GRAMD2B: variants seen among roughly 807,000 people sequenced by gnomAD.
The protein encoded by GRAMD2B is GRAM domain-containing protein 2B.
Under a neutral mutation model 59.2 loss-of-function variants are expected in GRAMD2B, and 41 were observed. That is an observed-to-expected ratio of 0.69 (90% CI 0.54 to 0.90). The LOEUF is 0.90. Among genes scored for constraint, GRAMD2B ranks in the 40% least tolerant of loss-of-function variants. The pLI, the probability that GRAMD2B is intolerant of heterozygous loss-of-function variation, is 0.00. For missense variants in GRAMD2B, 424 were observed against 500.5 expected, an observed-to-expected ratio of 0.85 and a Z score of 1.46; for synonymous variants, 161 against 182.7, an observed-to-expected ratio of 0.88 and a Z score of 0.96.
intron 1 of GRAMD2B, among the ~76,000 whole-genome samples, chr5:126,362,625 C>A (rs1184175732): frequency 6.6e-6 from 1 of 152,120 alleles, no homozygotes; most frequent in Non-Finnish European, 1.5e-5. Context: ...TACTCAAAGT[C>A]ATTAATTCTG....
At chr5:126,484,117 C>T (rs1407552890) in intron 9 of GRAMD2B, among the ~76,000 whole-genome samples, 3 of 152,150 alleles carry the variant, frequency 2.0e-5, no homozygotes, top group Non-Finnish European at 2.9e-5. Context: ...CGTGAGCCAC[C>T]GCACCGGCCT....
intron 13 of GRAMD2B, among the ~76,000 whole-genome samples, chr5:126,490,882 G>T (rs1773805474): frequency 6.6e-6 from 1 of 152,156 alleles, no homozygotes; most frequent in African/African-American, 2.4e-5. Context: ...GGAAATCTAA[G>T]AATAATTTTT....
chr5:126,393,293 C>T lies in GRAMD2B; in HGVS notation c.125+21726C>T, dbSNP rs550472280. Among the ~76,000 whole-genome samples, 104 of 152,206 alleles carry T rather than the reference C, an allele frequency of 6.8e-4. 3 individuals carry two copies. The South Asian group carries it at 0.021, about 30-fold the overall frequency. On this transcript the variant is annotated intron_variant, in intron 1 of 8. Coordinates refer to the GRAMD2B transcript ENST00000506445. ...TTACAATTTTATTTCACAGGTCTTC[C>T]AAGTGTAAAATATTATCTCACTAAT...
intron 1 of GRAMD2B, among the ~76,000 whole-genome samples, chr5:126,435,676 G>A (rs1762297019): frequency 6.6e-6 from 1 of 152,236 alleles, no homozygotes; most frequent in East Asian, 1.9e-4. Context: ...CCAACCTGAA[G>A]AGTCTTTGAA....
At chr5:126,416,068 C>A (rs900558356) in intron 1 of GRAMD2B, among the ~76,000 whole-genome samples, 9 of 152,084 alleles carry the variant, frequency 5.9e-5, no homozygotes, top group Non-Finnish European at 5.9e-5. Flanking sequence ...TCATTAGTTC[C>A]CAAAACAAGG....
chr5:126,425,984 A>G (rs1466102402), intron 1 of GRAMD2B, among the ~76,000 whole-genome samples: 5 of 152,018 alleles, frequency 3.3e-5, no homozygotes, highest in Non-Finnish European at 5.9e-5. Flanking sequence ...GTATATTTCA[A>G]TATAACTAAG....
At chr5:126,396,281 T>G (rs1029003879) in intron 1 of GRAMD2B, among the ~76,000 whole-genome samples, 5 of 152,308 alleles carry the variant, frequency 3.3e-5, no homozygotes, top group African/African-American at 1.2e-4. Flanking sequence ...ACCCAGGTAT[T>G]AAGCCTAGTA....
At chr5:126,371,537 C>A (rs1296012049) in exon 1 of GRAMD2B, 1 of 1,289,156 alleles carries the variant, frequency 7.8e-7, no homozygotes, top group Admixed American at 2.3e-5. Context: ...TCACGCAGCT[C>A]CACAGACAGC....
At chr5:126,381,367 TG>T in intron 1 of GRAMD2B, among the ~76,000 whole-genome samples, 1 of 152,294 alleles carries the variant, frequency 6.6e-6, no homozygotes, top group South Asian at 2.1e-4. Flanking sequence ...TTTTCTTTTT[TG>T]TTATGTCCTT....
intron 1 of GRAMD2B, among the ~76,000 whole-genome samples, chr5:126,417,719 T>C (rs1759378079): frequency 6.6e-6 from 1 of 152,186 alleles, no homozygotes; most frequent in Non-Finnish European, 1.5e-5. Context: ...GATTCAAACA[T>C]TTCTTTCCCC....
chr5:126,472,898 T>C (rs1171180190), intron 4 of GRAMD2B, among the ~76,000 whole-genome samples: 1 of 152,178 alleles, frequency 6.6e-6, no homozygotes, highest in Non-Finnish European at 1.5e-5. Flanking sequence ...AGTGAGGCCA[T>C]GTATTTTGAA....
At chr5:126,477,325 G>A (rs1355072323) in intron 5 of GRAMD2B, among the ~76,000 whole-genome samples, 8 of 152,222 alleles carry the variant, frequency 5.3e-5, no homozygotes, top group Non-Finnish European at 7.3e-5. Context: ...GGAGAGTAGG[G>A]CATGTGGAAG....
chr5:126,484,498 GA>G lies in GRAMD2B; in HGVS notation c.948del (p.Ala317ProfsTer41). The G allele has an allele frequency of 3.1e-6, 5 of 1,614,050 alleles. No individual in the cohort carries two copies. Among genetic ancestry groups the G allele is most frequent in the Non-Finnish European group, 3.4e-6 (4 of 1,179,984 alleles). On this transcript the variant is annotated frameshift_variant, in exon 10 of 14. Coordinates refer to ENST00000285689, the MANE Select transcript of GRAMD2B (RefSeq NM_023927.4). LOFTEE classifies it high-confidence loss of function. ...GCCCATGTGAACAGAGTACCTGAAGGAAAAGCCAAGAGTCTCCCTGTACAGG... is the reference window on the plus strand; with the variant it reads ...GCCCATGTGAACAGAGTACCTGAAGGAAAGCCAAGAGTCTCCCTGTACAGG... ...ADAHVNRVPE[G>X]KAKSLPVQGL...
chr5:126,486,286 C>T (rs1033099363), intron 11 of GRAMD2B, among the ~76,000 whole-genome samples: 1 of 152,210 alleles, frequency 6.6e-6, no homozygotes, highest in African/African-American at 2.4e-5. Flanking sequence ...AGAACCTATT[C>T]CTTCTATCTA....
At chr5:126,447,689 A>AAGAGATCAG (rs955557009) in intron 1 of GRAMD2B, among the ~76,000 whole-genome samples, 7 of 151,530 alleles carry the variant, frequency 4.6e-5, no homozygotes, top group Admixed American at 3.3e-4. Flanking sequence ...AAAAAAAAGA[A>AAGAGATCAG]AGAGATCAGA....
intron 1 of GRAMD2B, among the ~76,000 whole-genome samples, chr5:126,384,090 A>C (rs1386501419): frequency 2.6e-5 from 4 of 152,172 alleles, no homozygotes. Flanking sequence ...CCTAGCACTT[A>C]GCACATAGAA....
chr5:126,395,764 G>A (rs1757308873), intron 1 of GRAMD2B, among the ~76,000 whole-genome samples: 1 of 151,668 alleles, frequency 6.6e-6, no homozygotes, highest in East Asian at 1.9e-4. Context: ...GGGAGTGTCT[G>A]TGTGTGTGTG....
At chr5:126,395,275 G>A (rs1401893962) in intron 1 of GRAMD2B, among the ~76,000 whole-genome samples, 1 of 152,158 alleles carries the variant, frequency 6.6e-6, no homozygotes, top group Non-Finnish European at 1.5e-5. Context: ...TTGCCTATTA[G>A]TTATAATCAT....
intron 2 of GRAMD2B, among the ~76,000 whole-genome samples, chr5:126,468,138 A>C (rs1042183710): frequency 6.6e-6 from 1 of 152,198 alleles, no homozygotes; most frequent in South Asian, 2.1e-4. Context: ...TCATATATAT[A>C]ACTCCAAAAA....
Sources: gnomAD v4.1 joint callset for allele counts (sites outside exome capture counted in the v4.1 genomes callset) on GRCh38, gnomAD v4.1.1 for gene constraint, MANE v1.5 for transcripts, NCBI Gene and HGNC (gene_info 2026-07-23, HGNC 2026-07-21) for gene names.